PTER: variants seen among roughly 807,000 people sequenced by gnomAD.
PTER encodes the protein phosphotriesterase related.
A neutral mutation model predicts 29.6 loss-of-function variants in PTER; 38 were observed. The observed-to-expected ratio is 1.28, with a 90% CI of 0.99 to 1.68. The LOEUF (loss-of-function observed/expected upper bound fraction) is 1.68. PTER is among the 40% of genes most tolerant of loss of function. The pLI, the probability that PTER is intolerant of heterozygous loss-of-function variation, is 0.00. For synonymous variants in PTER, 172 were observed against 154.5 expected, an observed-to-expected ratio of 1.11 and a Z score of -0.84; for missense variants, 482 against 427.8, an observed-to-expected ratio of 1.13 and a Z score of -1.12.
intron 1 of PTER, among the ~76,000 whole-genome samples, chr10:16,471,495 G>C (rs1198464553): frequency 6.6e-6 from 1 of 152,124 alleles, no homozygotes; most frequent in African/African-American, 2.4e-5. Context: ...CACTCCTCCT[G>C]CTCAAAGATG....
rs958538594 is a variant in PTER, at chr10:16,513,254, C to T, written c.*1998C>T. On this transcript the variant is annotated 3_prime_UTR_variant, in exon 5 of 5. Coordinates refer to ENST00000535784, the MANE Select transcript of PTER (RefSeq NM_001261836.2). ...GTCATTTTAACTGTTTTTGCTACTC[C>T]ATATATTGTCATTCAAAATATATTT... 6.6e-6 allele frequency: 1 copy of T among 152,384 alleles called. No individual in the cohort carries two copies. Among genetic ancestry groups the T allele is most frequent in the Non-Finnish European group, 1.5e-5 (1 of 67,952 alleles). 9.4% of individuals were successfully genotyped at this position (152,384 alleles called of 1,614,324 possible).
rs780967988 is a variant in PTER, at chr10:16,486,321, A to G, written c.433-31A>G. ...TCTATTTTGATAAATTTCACAACCT[A>G]TAAAATATATTCCTTCTCACTCTTC... On this transcript the variant is annotated intron_variant, in intron 2 of 4. Coordinates refer to ENST00000535784, the MANE Select transcript of PTER (RefSeq NM_001261836.2). 3.2e-6 allele frequency: 5 copies of G among 1,577,162 alleles called. No individual in the cohort carries two copies. The East Asian group carries it at 6.7e-5, about 21-fold the overall frequency.
At chr10:16,462,541 G>T (rs974733285) in intron 1 of PTER, among the ~76,000 whole-genome samples, 7 of 149,218 alleles carry the variant, frequency 4.7e-5, no homozygotes, top group Non-Finnish European at 1.0e-4. Context: ...CCAGCCCTGC[G>T]ATTTGTGCTG....
At chr10:16,472,408 G>A (rs537719595) in intron 1 of PTER, among the ~76,000 whole-genome samples, 2 of 152,140 alleles carry the variant, frequency 1.3e-5, no homozygotes, top group African/African-American at 2.4e-5. Context: ...TCACGGGGGC[G>A]GTTTCCCCCA....
chr10:16,511,279 C>T lies in PTER; in HGVS notation c.*23C>T. On this transcript the variant is annotated 3_prime_UTR_variant, in exon 5 of 5. Transcript: ENST00000535784. ...TAGGATGGTTGCTTATGAATTCACA[C>T]CTTGAGTATAAAACTTGCAGAGAAC... 5.7e-6 allele frequency: 9 copies of T among 1,587,294 alleles called. No individual in the cohort carries two copies. The highest frequency in any genetic ancestry group is 6.9e-6 in the Non-Finnish European group (8 of 1,156,302).
intron 1 of PTER, among the ~76,000 whole-genome samples, chr10:16,460,437 A>G (rs1323420318): frequency 6.6e-6 from 1 of 152,242 alleles, no homozygotes; most frequent in Admixed American, 6.5e-5. Flanking sequence ...AAGTCATCAA[A>G]TTAAATGATC....
chr10:16,517,985 T>C (rs893942660), downstream of PTER, among the ~76,000 whole-genome samples: 1 of 152,166 alleles, frequency 6.6e-6, no homozygotes, highest in Non-Finnish European at 1.5e-5. Context: ...TTCTCTCTCT[T>C]AGAGGGAACT....
At chr10:16,482,834 T>C (rs1835528940) in intron 1 of PTER, among the ~76,000 whole-genome samples, 1 of 152,030 alleles carries the variant, frequency 6.6e-6, no homozygotes. Context: ...CAGGCTGGAG[T>C]GCAGTGGCGC....
intron 3 of PTER, among the ~76,000 whole-genome samples, chr10:16,490,705 T>A (rs1835868275): frequency 6.6e-6 from 1 of 150,510 alleles, no homozygotes; most frequent in African/African-American, 2.4e-5. Flanking sequence ...ACATCTAGTC[T>A]GCCATACTGC....
At chr10:16,518,577 G>A (rs1016213410), downstream of PTER, among the ~76,000 whole-genome samples, 16 of 152,114 alleles carry the variant, frequency 1.1e-4, no homozygotes, top group African/African-American at 3.9e-4. Context: ...CTTCAAATCA[G>A]TGTAATATAC....
At chr10:16,513,917 T>C (rs1836906825), downstream of PTER, 1 of 167,510 alleles carries the variant, frequency 6.0e-6, no homozygotes, top group Non-Finnish European at 1.3e-5. Flanking sequence ...AAAAAGAAAA[T>C]GTGAAAAAGA....
chr10:16,471,606 T>G (rs573861777), intron 1 of PTER, among the ~76,000 whole-genome samples: 2 of 152,310 alleles, frequency 1.3e-5, no homozygotes, highest in African/African-American at 4.8e-5. Flanking sequence ...TAAACTAGTT[T>G]TGTGTTTTGC....
At chr10:16,501,364 C>T (rs1216806487) in intron 3 of PTER, among the ~76,000 whole-genome samples, 3 of 83,354 alleles carry the variant, frequency 3.6e-5, no homozygotes, top group Admixed American at 1.3e-4. Flanking sequence ...CACACACACA[C>T]ACACATGCAC....
chr10:16,518,474 T>C (rs894935848), downstream of PTER, among the ~76,000 whole-genome samples: 1 of 152,218 alleles, frequency 6.6e-6, no homozygotes, highest in Non-Finnish European at 1.5e-5. Flanking sequence ...GGAATGTGTG[T>C]GCTAGTGTGA....
intron 1 of PTER, among the ~76,000 whole-genome samples, chr10:16,459,227 G>A (rs562851268): frequency 5.3e-4 from 80 of 152,262 alleles, no homozygotes; most frequent in Middle Eastern, 3.4e-3. Context: ...GATTCCAGTT[G>A]ATAAGTTTTG....
Position 16,484,539 on chromosome 10 carries a change from T to C in PTER, c.155T>C (p.Ile52Thr), listed in dbSNP as rs1835608360. 1.2e-6 allele frequency: 2 copies of C among 1,613,902 alleles called. No homozygotes were observed. Among genetic ancestry groups the C allele is most frequent in the African/African-American group, 1.3e-5 (1 of 74,854 alleles). Reference protein sequence around the residue: ...PCQEAISKEPIVMKNLYWIQK... With the variant: ...PCQEAISKEPTVMKNLYWIQK... Reference sequence around the variant, plus strand: ...CAGGAAGCTATTTCCAAAGAACCTATCGTGATGAAAAATTTATATTGGATT... The same window carrying C: ...CAGGAAGCTATTTCCAAAGAACCTACCGTGATGAAAAATTTATATTGGATT... Residue 52 changes from isoleucine to threonine, a missense_variant, in exon 2 of 5, where the codon ATC becomes ACC. Ile to Thr is a moderately conservative substitution (Grantham distance 89). Coordinates refer to ENST00000535784, the MANE Select transcript of PTER (RefSeq NM_001261836.2).
intron 1 of PTER, among the ~76,000 whole-genome samples, chr10:16,445,629 C>T (rs1302553371): frequency 6.6e-6 from 1 of 152,196 alleles, no homozygotes; most frequent in African/African-American, 2.4e-5. Context: ...TCTTTGATTT[C>T]AGAGCCTATT....
At chr10:16,515,361 C>CT, downstream of PTER, among the ~76,000 whole-genome samples, 1 of 152,028 alleles carries the variant, frequency 6.6e-6, no homozygotes, top group East Asian at 1.9e-4. Flanking sequence ...TTTCAGAGTT[C>CT]TTTTTTCCAT....
intron 1 of PTER, among the ~76,000 whole-genome samples, chr10:16,466,304 T>A (rs1229764391): frequency 6.6e-6 from 1 of 151,334 alleles, no homozygotes; most frequent in Non-Finnish European, 1.5e-5. Context: ...AACTACCTTT[T>A]TTTTTTTTTT....
Sources: gnomAD v4.1 joint callset for allele counts (sites outside exome capture counted in the v4.1 genomes callset) on GRCh38, gnomAD v4.1.1 for gene constraint, MANE v1.5 for transcripts, NCBI Gene and HGNC (gene_info 2026-07-23, HGNC 2026-07-21) for gene names.